The following DMKN variants were observed in gnomAD, a reference collection of about 807,000 sequenced individuals.
DMKN encodes epidermis-specific secreted protein SK30/SK89.
A neutral mutation model predicts 67.6 loss-of-function variants in DMKN; 58 were observed. The ratio of observed to expected loss-of-function variants is 0.86; its 90% CI spans 0.69 to 1.07. The LOEUF (loss-of-function observed/expected upper bound fraction) is 1.07. Ranked by LOEUF, DMKN falls within the 50% of genes least tolerant of loss-of-function variation. The pLI is 0.00. For missense variants in DMKN, 596 were observed against 601.5 expected (o/e 0.99, Z 0.10); for synonymous variants, 240 against 232.3 (o/e 1.03, Z -0.30).
chr19:35,504,451 C>A (rs1211701510), intron 9 of DMKN, among the ~76,000 whole-genome samples: 2 of 151,840 alleles, frequency 1.3e-5, no homozygotes, highest in East Asian at 3.8e-4. Flanking sequence ...GTGGCGGGCA[C>A]CTGTAAACTC....
chr19:35,508,049 G>C, intron 7 of DMKN: 1 of 953,566 alleles, frequency 1.0e-6, no homozygotes, highest in Non-Finnish European at 1.6e-6. Flanking sequence ...TGTGAAACAT[G>C]GCCAGACCCA....
intron 7 of DMKN, chr19:35,508,027 T>G (rs1449432957): frequency 1.3e-6 from 1 of 761,158 alleles, no homozygotes; most frequent in Non-Finnish European, 2.1e-6. Context: ...TCTGGAGTCC[T>G]GCTTTATCTG....
intron 13 of DMKN, 67 bp from the exon 14 acceptor site, chr19:35,498,964 G>A (rs1599789636): frequency 6.2e-6 from 10 of 1,611,402 alleles, no homozygotes; most frequent in South Asian, 1.1e-5. Context: ...TGGCCTCCAC[G>A]CTCATGAAGG....
At position 35,512,752 on chromosome 19, in the gene DMKN, A is replaced by G; in HGVS notation, c.465T>C (p.Gly155=). The G allele has an allele frequency of 1.2e-6, 2 of 1,613,982 alleles. No homozygotes were observed. The highest frequency in any genetic ancestry group is 2.2e-5 in the South Asian group (2 of 91,076). Residue 155 remains glycine (G), a synonymous_variant, in exon 2 of 16, where the codon GGT becomes GGC. Coordinates refer to ENST00000339686, the MANE Select transcript of DMKN (RefSeq NM_033317.5). ...SGGHGIFGSQ[G]GLGGQGQGNP... ...TGCCCTGGCCCTGGCCTCCAAGGCC[A>G]CCTTGAGAGCCAAAGATGCCATGGC...
chr19:35,502,114 T>A, intron 11 of DMKN, 22 bp downstream of exon 11: 1 of 1,614,100 alleles, frequency 6.2e-7, no homozygotes, highest in Non-Finnish European at 8.5e-7. Context: ...GTCCCAGAGC[T>A]GAGAAGTCCT....
intron 9 of DMKN, among the ~76,000 whole-genome samples, chr19:35,505,456 A>G (rs960131855): frequency 1.6e-4 from 24 of 152,174 alleles, no homozygotes; most frequent in African/African-American, 5.1e-4. Context: ...AGTGAGGTTC[A>G]GGACCTGCTC....
intron 7 of DMKN, chr19:35,507,746 C>T (rs2069863178): frequency 1.9e-6 from 1 of 526,902 alleles, no homozygotes. Context: ...TTACGATGTC[C>T]ATAGATAACA....
rs561794663 is a variant in DMKN, at chr19:35,506,330, C to T, written c.1039-344G>A. 49 of 809,582 alleles carry T rather than the reference C, an allele frequency of 6.1e-5. No individual in the cohort carries two copies. In the East Asian group the frequency reaches 1.3e-3, roughly 21 times the overall value. The allele number at this position is 809,582 out of a possible 1,614,324, so 50.1% of individuals were successfully genotyped here. ...CTATAAAGCTGCCTTCTCTTCCTTA[C>T]ACAGCACCAAAAAGTTCACTTGGGA... On this transcript the variant is annotated intron_variant, in intron 7 of 15. Transcript: ENST00000339686.
chr19:35,502,713 AAAG>A, intron 10 of DMKN, 114 bp downstream of exon 10: 1 of 1,044,870 alleles, frequency 9.6e-7, no homozygotes, highest in African/African-American at 1.6e-5. Flanking sequence ...TCAAAAAAAA[AAAG>A]GGGGGGAGTT....
chr19:35,502,229 C>A (rs367584401), intron 10 of DMKN, 46 bp from the exon 11 acceptor site: 175 of 1,607,678 alleles, frequency 1.1e-4, no homozygotes, highest in Non-Finnish European at 2.6e-5. Context: ...GCAGAACCCA[C>A]GGGGTGGTCT....
intron 9 of DMKN, 24 bp from the exon 10 acceptor site, chr19:35,502,910 G>A (rs2068675888): frequency 6.2e-7 from 1 of 1,610,954 alleles, no homozygotes; most frequent in Non-Finnish European, 8.5e-7. Flanking sequence ...GCGGGGAGCA[G>A]GTTAGCAGAG....
Position 35,498,719 on chromosome 19 carries a change from C to A in DMKN, c.1428G>T (p.Trp476Cys). The A allele has an allele frequency of 6.2e-7, 1 of 1,614,080 alleles. No homozygotes were observed. The highest frequency in any genetic ancestry group is 1.1e-5 in the South Asian group (1 of 91,082). ...QPGLLQWVKFW is the reference protein window; with the variant it reads ...QPGLLQWVKFC ...GTCGGCTCACTCTGACACTCACCTA[C>A]CAAAACTTCACCCACTGCAGCAGGC... The change falls in exon 15 of 16, where the codon TGG becomes TGT. Residue 476 changes from tryptophan (W) to cysteine (C), a missense_variant. Transcript: ENST00000339686.
chr19:35,500,854 T>C (rs1442511565), intron 11 of DMKN, among the ~76,000 whole-genome samples: 1 of 152,166 alleles, frequency 6.6e-6, no homozygotes, highest in African/African-American at 2.4e-5. Flanking sequence ...CTAGAACAAG[T>C]GAGCTGCAGC....
At chr19:35,503,431 C>T (rs1377293609) in intron 9 of DMKN, 12 of 1,549,448 alleles carry the variant, frequency 7.7e-6, no homozygotes, top group African/African-American at 5.5e-5. Context: ...TCACGGGATG[C>T]GAGAGCTTCT....
In DMKN at chr19:35,511,470, C is replaced by A; in HGVS notation, c.859G>T (p.Gly287Cys). The A allele has an allele frequency of 5.4e-6, 5 of 932,384 alleles. No homozygotes were observed. The highest frequency in any genetic ancestry group is 7.1e-6 in the Non-Finnish European group (5 of 703,252). The allele number at this position is 932,384 out of a possible 1,614,324, so 57.8% of individuals were successfully genotyped here. Residue 287 changes from glycine (G) to cysteine (C), a missense_variant, in exon 5 of 16, where the codon GGT (glycine) becomes TGT (cysteine). Coordinates refer to ENST00000339686, the MANE Select transcript of DMKN (RefSeq NM_033317.5). The part of the protein sequence containing the change: ...SSGGSSGGSS[G>C]GSSGNSGGSR... Reference sequence around the variant, plus strand: ...CCACCACTGTTGCCACTGCTGCCACCACTGCTGCCGCCACTGCTGCCGCCA... The same window carrying A: ...CCACCACTGTTGCCACTGCTGCCACAACTGCTGCCGCCACTGCTGCCGCCA...
Position 35,511,785 on chromosome 19 carries a change from C to T in DMKN, c.713G>A (p.Gly238Asp), listed in dbSNP as rs937423933. The change falls in exon 4 of 16, where the codon GGT becomes GAT. Residue 238 changes from glycine to aspartate, a missense_variant. Coordinates refer to ENST00000339686, the MANE Select transcript of DMKN (RefSeq NM_033317.5). ...CACCCCAGAGTTGCTGGAGCCTCCA[C>T]CTGAGCCAGATGGTGGGGGATTCGT... ...GCTNPPPSGSGGGSSNSGGGS... is the reference protein window; with the variant it reads ...GCTNPPPSGSDGGSSNSGGGS... 8.7e-6 allele frequency: 14 copies of T among 1,613,314 alleles called. No individual in the cohort carries two copies. The highest frequency in any genetic ancestry group is 3.3e-5 in the South Asian group (3 of 90,930).
intron 9 of DMKN, among the ~76,000 whole-genome samples, chr19:35,504,145 C>T (rs2068974624): frequency 6.6e-6 from 1 of 152,126 alleles, no homozygotes; most frequent in Non-Finnish European, 1.5e-5. Context: ...CCTCGACTGC[C>T]GCCCTAGATG....
At chr19:35,507,082 A>G (rs1007139434) in intron 7 of DMKN, 4 of 194,820 alleles carry the variant, frequency 2.1e-5, no homozygotes, top group African/African-American at 9.5e-5. Flanking sequence ...TGCTGGGATT[A>G]CAGTTATGCT....
intron 5 of DMKN, chr19:35,510,518 C>T: frequency 6.5e-7 from 1 of 1,543,536 alleles, no homozygotes; most frequent in Non-Finnish European, 8.7e-7. Context: ...GGGGTGGGAA[C>T]CCCTGGAGCC....
Sources: gnomAD v4.1 joint callset for allele counts (sites outside exome capture counted in the v4.1 genomes callset) on GRCh38, gnomAD v4.1.1 for gene constraint, MANE v1.5 for transcripts, NCBI Gene and HGNC (gene_info 2026-07-23, HGNC 2026-07-21) for gene names.